Variants in DNA2 observed in about 807,000 individuals in gnomAD.
DNA2 encodes the protein DNA replication helicase/nuclease 2.
In DNA2, 101 loss-of-function variants were observed where a neutral mutation model predicts 119.1. That is an observed-to-expected ratio of 0.85 (90% CI 0.72 to 1.00). The LOEUF (loss-of-function observed/expected upper bound fraction) is 1.00, where lower values mean the gene tolerates loss of function less well. Among genes scored for constraint, DNA2 ranks in the 50% least tolerant of loss-of-function variants. DNA2 has a pLI of 0.00. For missense variants in DNA2, 1,121 were observed against 1,255.5 expected (o/e 0.89, Z 1.62); for synonymous variants, 366 against 424.4 (o/e 0.86, Z 1.69).
Position 68,471,912 on chromosome 10 carries a change from G to C in DNA2, c.-48C>G, listed in dbSNP as rs757813724. ...TGTAGACAGAAAAGACAGCGGAACC[G>C]GGGGTAACACAGAAAGCTTAGAAAA... On this transcript the variant is annotated 5_prime_UTR_variant, in exon 1 of 21. Coordinates refer to ENST00000358410, the MANE Select transcript of DNA2 (RefSeq NM_001080449.3). 1.1e-5 allele frequency: 17 copies of C among 1,613,486 alleles called. No homozygotes were observed. In the East Asian group the frequency reaches 1.1e-4, roughly 11 times the overall value.
chr10:68,415,131 A>C, intron 20 of DNA2, 24 bp from the exon 21 acceptor site: 2 of 1,414,094 alleles, frequency 1.4e-6, no homozygotes, highest in Non-Finnish European at 2.0e-6. Context: ...AGGAAGAAAT[A>C]TTTAGCACAA....
At chr10:68,460,034 C>CACACACACAAACACAG in intron 4 of DNA2, among the ~76,000 whole-genome samples, 1 of 144,380 alleles carries the variant, frequency 6.9e-6, no homozygotes, top group African/African-American at 2.8e-5. Flanking sequence ...CACAAATACA[C>CACACACACAAACACAG]ACACACACAC....
chr10:68,466,418 G>A (rs1316903608), intron 3 of DNA2, among the ~76,000 whole-genome samples: 1 of 152,022 alleles, frequency 6.6e-6, no homozygotes, highest in Non-Finnish European at 1.5e-5. Flanking sequence ...ACTCATGTAA[G>A]TAAAAGATAC....
intron 4 of DNA2, among the ~76,000 whole-genome samples, chr10:68,460,565 G>A (rs761230273): frequency 7.3e-5 from 11 of 150,378 alleles, no homozygotes; most frequent in Non-Finnish European, 1.6e-4. Context: ...ATGACACCAC[G>A]CCCAGCTAAT....
At chr10:68,424,832 C>T in intron 14 of DNA2, 1 of 892,032 alleles carries the variant, frequency 1.1e-6, no homozygotes, top group Admixed American at 1.7e-5. Flanking sequence ...AGTAGGCCAA[C>T]AGCACAACCG....
intron 4 of DNA2, among the ~76,000 whole-genome samples, chr10:68,459,760 G>T (rs532037527): frequency 6.6e-6 from 1 of 152,320 alleles, no homozygotes; most frequent in South Asian, 2.1e-4. Flanking sequence ...AGAGCGCAGT[G>T]GCTCACATCT....
Position 68,440,199 on chromosome 10 carries a change from G to C in DNA2, c.1415+2718C>G, listed in dbSNP as rs117530326. ...CGTGCCTGTAAACCCAGCTTCTTGG[G>C]AGGCTGAGGCATGAGAATTACTGGA... is the stretch of plus-strand genomic sequence containing the variant. On this transcript the variant is annotated intron_variant, in intron 9 of 20. Transcript: ENST00000358410. 9.1e-3 allele frequency among the ~76,000 whole-genome samples: 1,379 copies of C among 152,166 alleles called. 14 individuals carry two copies. The highest frequency in any genetic ancestry group is 0.015 in the Non-Finnish European group (1,036 of 68,002).
intron 6 of DNA2, among the ~76,000 whole-genome samples, chr10:68,449,619 A>G (rs2052090823): frequency 6.6e-6 from 1 of 152,138 alleles, no homozygotes; most frequent in Non-Finnish European, 1.5e-5. Context: ...TCTACAAAAA[A>G]TACAAAAATT....
Position 68,468,290 on chromosome 10 carries a change from C to G in DNA2, c.274G>C (p.Glu92Gln), listed in dbSNP as rs1370201291. ...LRNDWCSVPV[E>Q]PGDIIHLEGD... is the part of the protein sequence containing the mutation. ...TCCAAATGAATGATATCTCCTGGCTCTACTGGAACAGAACACCTGAAAATA... is the reference window on the plus strand; with the variant it reads ...TCCAAATGAATGATATCTCCTGGCTGTACTGGAACAGAACACCTGAAAATA... The change falls in exon 3 of 21, where the codon GAG becomes CAG. Residue 92 changes from glutamate (E) to glutamine (Q), a missense_variant. Glu to Gln is a conservative substitution (Grantham distance 29). Coordinates refer to ENST00000358410, the MANE Select transcript of DNA2 (RefSeq NM_001080449.3). 1 of 1,591,774 alleles carries G rather than the reference C, an allele frequency of 6.3e-7. No individual in the cohort carries two copies. Among genetic ancestry groups the G allele is most frequent in the African/African-American group, 1.3e-5 (1 of 74,426 alleles).
At chr10:68,464,508 C>T (rs2052301361) in intron 4 of DNA2, among the ~76,000 whole-genome samples, 1 of 151,632 alleles carries the variant, frequency 6.6e-6, no homozygotes, top group South Asian at 2.1e-4. Context: ...GAGCAAGACT[C>T]CGTCTCGAAA....
chr10:68,455,399 A>C (rs998109918), intron 5 of DNA2, among the ~76,000 whole-genome samples: 3 of 152,228 alleles, frequency 2.0e-5, no homozygotes, highest in African/African-American at 7.2e-5. Flanking sequence ...AGAAATAACA[A>C]AAAATGAAAC....
chr10:68,437,284 A>C, intron 9 of DNA2, 43 bp from the exon 10 acceptor site: 1 of 1,452,580 alleles, frequency 6.9e-7, no homozygotes, highest in East Asian at 2.3e-5. Context: ...TTTATATTAC[A>C]TACGTAAGTA....
chr10:68,465,764 C>T lies in DNA2; in HGVS notation c.490G>A (p.Glu164Lys). ...TTATTTATGGCTTTTTGAAACACCT[C>T]ATGGAGAACCGTACCAATTAGCATT... ...RQMLIGTVLH[E>K]VFQKAINNSF... is the part of the protein sequence containing the mutation. Residue 164 changes from glutamate to lysine, a missense_variant, in exon 4 of 21, where the codon GAG becomes AAG. By Grantham distance (56) the Glu-to-Lys change is moderately conservative (BLOSUM62 1). Transcript: ENST00000358410. The T allele has an allele frequency of 1.2e-6, 2 of 1,606,900 alleles. No homozygotes were observed. The highest frequency in any genetic ancestry group is 2.2e-5 in the South Asian group (2 of 89,196).
rs529686723 is a variant in DNA2 at position 68,440,883 on chromosome 10, G to A, written c.1415+2034C>T. On this transcript the variant is annotated intron_variant, in intron 9 of 20. Transcript: ENST00000358410. Reference sequence around the variant, plus strand: ...AATTTTACATAAAGAAAAATACTACGCAAAGATAAATTCTAGGCCAGGCAT... The same window carrying A: ...AATTTTACATAAAGAAAAATACTACACAAAGATAAATTCTAGGCCAGGCAT... Among the ~76,000 whole-genome samples, 26 of 152,106 alleles carry A rather than the reference G, an allele frequency of 1.7e-4. No homozygotes were observed. In the East Asian group the frequency reaches 2.1e-3, roughly 12 times the overall value.
At chr10:68,456,861 A>G (rs533219634) in intron 5 of DNA2, among the ~76,000 whole-genome samples, 42 of 151,246 alleles carry the variant, frequency 2.8e-4, no homozygotes, top group Admixed American at 5.3e-4. Context: ...GGAGCCGGGC[A>G]CGGTGGCTCA....
intron 13 of DNA2, among the ~76,000 whole-genome samples, 187 bp downstream of exon 13, chr10:68,431,675 G>A (rs889032795): frequency 1.3e-5 from 2 of 152,150 alleles, no homozygotes; most frequent in African/African-American, 2.4e-5. Flanking sequence ...TTCTAAATGC[G>A]AGAAATCTAC....
intron 1 of DNA2, 80 bp downstream of exon 1, chr10:68,471,711 G>A (rs549535097): frequency 6.2e-5 from 91 of 1,463,156 alleles, no homozygotes; most frequent in Non-Finnish European, 7.6e-5. Context: ...GTCAGTCTGA[G>A]GCGGTGCGGA....
At chr10:68,415,164 A>C (rs940197969) in intron 20 of DNA2, 57 bp from the exon 21 acceptor site, 2 of 1,075,468 alleles carry the variant, frequency 1.9e-6, no homozygotes, top group African/African-American at 1.6e-5. Context: ...TAAATTTATG[A>C]CATTATTATT....
In DNA2 at chr10:68,414,565, G is replaced by A. The variant is rs1186313483; in HGVS notation, c.*474C>T. The stretch of plus-strand genomic sequence containing the variant: ...GAAGTAATCAATTCATGTCATAAAA[G>A]ACTAGGTTTAGAGTGAAAACACATC... On this transcript the variant is annotated 3_prime_UTR_variant, in exon 21 of 21. Transcript: ENST00000358410. 1 of 152,408 alleles carries A rather than the reference G, an allele frequency of 6.6e-6. No individual in the cohort carries two copies. The highest frequency in any genetic ancestry group is 1.5e-5 in the Non-Finnish European group (1 of 68,230). 9.4% of individuals were successfully genotyped at this position (152,408 alleles called of 1,614,324 possible). A position where few individuals can be genotyped will look rare whatever the true frequency, so the allele number is the denominator to read the frequency against.
Sources: allele counts gnomAD v4.1 joint callset (sites outside exome capture counted in the v4.1 genomes callset), GRCh38; gene constraint gnomAD v4.1.1; transcripts MANE v1.5; gene names NCBI Gene and HGNC (gene_info 2026-07-23, HGNC 2026-07-21).